AGO4: variants seen among roughly 807,000 people sequenced by gnomAD.
The protein encoded by AGO4 is argonaute RISC component 4.
A neutral mutation model predicts 104.7 loss-of-function variants in AGO4; 33 were observed. The observed-to-expected ratio is 0.32, with a 90% CI of 0.24 to 0.42. AGO4 has a LOEUF of 0.42. Ranked by LOEUF, AGO4 falls within the 10% of genes least tolerant of loss-of-function variation. The probability of loss-of-function intolerance (pLI) is 1.00; values close to 1 mark genes in which losing one functional copy is unlikely to be tolerated. For synonymous variants in AGO4, 331 were observed against 364.7 expected, an observed-to-expected ratio of 0.91 and a Z score of 1.05; for missense variants, 711 against 1,083.4, an observed-to-expected ratio of 0.66 and a Z score of 4.83.
chr1:35,827,433 A>T (rs541720154), intron 7 of AGO4, among the ~76,000 whole-genome samples: 1 of 152,162 alleles, frequency 6.6e-6, no homozygotes, highest in South Asian at 2.1e-4. Context: ...AGGCAGGAGA[A>T]TCGCTTGAAC....
intron 12 of AGO4, among the ~76,000 whole-genome samples, chr1:35,835,449 C>T (rs1233257326): frequency 6.6e-6 from 1 of 152,104 alleles, no homozygotes; most frequent in Non-Finnish European, 1.5e-5. Context: ...CAAAACAAAA[C>T]AAAATAAAAT....
intron 1 of AGO4, among the ~76,000 whole-genome samples, chr1:35,810,220 T>A (rs1047421771): frequency 2.0e-5 from 3 of 152,222 alleles, no homozygotes; most frequent in African/African-American, 7.2e-5. Context: ...AAACTCCTTT[T>A]TTGGTGTTGC....
At chr1:35,848,267 G>A (rs967542188) in intron 15 of AGO4, among the ~76,000 whole-genome samples, 26 of 152,244 alleles carry the variant, frequency 1.7e-4, no homozygotes, top group African/African-American at 6.0e-4. Flanking sequence ...TCATAATGTG[G>A]ATGAGCCACA....
rs544363445 is a variant in AGO4, at chr1:35,810,961, G to A, written c.19+2526G>A. 3.2e-3 allele frequency among the ~76,000 whole-genome samples: 487 copies of A among 150,922 alleles called. 4 individuals carry two copies. The highest frequency in any genetic ancestry group is 0.011 in the African/African-American group (465 of 41,042). On this transcript the variant is annotated intron_variant, in intron 1 of 17. Transcript: ENST00000373210. ...AGCCTGGCCAGCATGGTGAAACTCC[G>A]TCTCTACTAAAAATATAAAAATTAG... is the stretch of plus-strand genomic sequence containing the variant.
intron 1 of AGO4, among the ~76,000 whole-genome samples, chr1:35,813,721 C>T (rs138952236): frequency 1.3e-5 from 2 of 151,560 alleles, no homozygotes; most frequent in East Asian, 3.9e-4. Flanking sequence ...TGCACTCCAG[C>T]CTGGGCAACA....
At chr1:35,835,737 G>A (rs1644299165) in intron 12 of AGO4, 97 bp from the exon 13 acceptor site, 13 of 1,045,052 alleles carry the variant, frequency 1.2e-5, no homozygotes, top group Non-Finnish European at 1.8e-5. Flanking sequence ...ACAGTATATA[G>A]TAGGTTATAA....
chr1:35,841,842 C>G lies in AGO4; in HGVS notation c.2175+92C>G. ...TATATATATATATATATATATACACCATTTTTATACAATTTTTTTCTTAAA... is the reference window on the plus strand; with the variant it reads ...TATATATATATATATATATATACACGATTTTTATACAATTTTTTTCTTAAA... On this transcript the variant is annotated intron_variant, in intron 15 of 17. Transcript: ENST00000373210. This position sits in a 1 kb window ranked among gnomAD's most constrained non-coding sequence, Gnocchi z 4.7. 1.2e-6 allele frequency: 1 copy of G among 834,268 alleles called. No individual in the cohort carries two copies. Among genetic ancestry groups the G allele is most frequent in the Non-Finnish European group, 1.5e-6 (1 of 646,866 alleles). The allele number at this position is 834,268 out of a possible 1,614,324, so 51.7% of individuals were successfully genotyped here. A position where few individuals can be genotyped will look rare whatever the true frequency, so the allele number is the denominator to read the frequency against.
At chr1:35,846,264 C>A (rs1010435737) in intron 15 of AGO4, among the ~76,000 whole-genome samples, 3 of 152,084 alleles carry the variant, frequency 2.0e-5, no homozygotes, top group Non-Finnish European at 2.9e-5. Context: ...TCTTTAAATT[C>A]TTTGCCCCAT....
chr1:35,828,290 G>A (rs142655022), intron 7 of AGO4, among the ~76,000 whole-genome samples: 6,844 of 152,234 alleles, frequency 0.045, 220 homozygotes, highest in South Asian at 0.067. Flanking sequence ...GAGTATCTGG[G>A]ACTACAGGCA....
At chr1:35,836,688 C>T (rs915820293) in intron 13 of AGO4, among the ~76,000 whole-genome samples, 11 of 152,298 alleles carry the variant, frequency 7.2e-5, no homozygotes, top group African/African-American at 2.4e-4. Context: ...GGATTACAGG[C>T]GTGAGCCACT....
chr1:35,835,786 A>G, intron 12 of AGO4, 48 bp from the exon 13 acceptor site: 1 of 1,493,212 alleles, frequency 6.7e-7, no homozygotes, highest in South Asian at 1.3e-5. Flanking sequence ...GCTTTTAGTA[A>G]TTAGGAGACC....
At chr1:35,835,680 G>A (rs957660713) in intron 12 of AGO4, among the ~76,000 whole-genome samples, 154 bp from the exon 13 acceptor site, 3 of 152,176 alleles carry the variant, frequency 2.0e-5, no homozygotes, top group East Asian at 1.9e-4. Context: ...TGCCCTGGGG[G>A]TTTAGCAGAT....
intron 13 of AGO4, among the ~76,000 whole-genome samples, chr1:35,836,997 A>G (rs141786352): frequency 6.6e-6 from 1 of 152,296 alleles, no homozygotes; most frequent in Admixed American, 6.5e-5. Context: ...ATCTCATTAT[A>G]GTTTTAATTT....
intron 3 of AGO4, among the ~76,000 whole-genome samples, chr1:35,823,401 T>C (rs557504257): frequency 9.2e-5 from 14 of 151,518 alleles, no homozygotes; most frequent in African/African-American, 2.9e-4. Flanking sequence ...TACAGGCATG[T>C]GCCACCACAC....
At chr1:35,837,864 C>T (rs1202781105) in intron 13 of AGO4, among the ~76,000 whole-genome samples, 1 of 151,934 alleles carries the variant, frequency 6.6e-6, no homozygotes, top group Non-Finnish European at 1.5e-5. Context: ...TGCCTTTTCA[C>T]TCTCCTAAAT....
chr1:35,824,270 G>T (rs1643958187), intron 3 of AGO4, among the ~76,000 whole-genome samples: 1 of 151,776 alleles, frequency 6.6e-6, no homozygotes, highest in African/African-American at 2.4e-5. Context: ...CCTTTCCAAA[G>T]GAAACTACTA....
chr1:35,840,578 C>T (rs1333657620), intron 13 of AGO4, among the ~76,000 whole-genome samples: 1 of 151,996 alleles, frequency 6.6e-6, no homozygotes, highest in Non-Finnish European at 1.5e-5. Flanking sequence ...GGATTACAGG[C>T]GTGAGCCACC....
In AGO4 at chr1:35,853,691, C is replaced by T. The variant is rs564842095; in HGVS notation, c.*86C>T. The T allele has an allele frequency of 8.9e-6, 10 of 1,128,520 alleles. 1 individual carries two copies. The highest frequency in any genetic ancestry group is 2.5e-5 in the East Asian group (1 of 40,176). 69.9% of individuals were successfully genotyped at this position (1,128,520 alleles called of 1,614,324 possible). A position where few individuals can be genotyped will look rare whatever the true frequency, so the allele number is the denominator to read the frequency against. On this transcript the variant is annotated 3_prime_UTR_variant, in exon 18 of 18. Transcript: ENST00000373210. ...TGCCTACCGCCTCTAGATCGAGCCA[C>T]GTTGACTTCAGGTGGTCTTCTACCA...
chr1:35,852,215 G>A (rs1286337530), intron 17 of AGO4, among the ~76,000 whole-genome samples: 1 of 152,154 alleles, frequency 6.6e-6, no homozygotes, highest in African/African-American at 2.4e-5. Context: ...GTAAAATGCT[G>A]TTCCTAGGAT....
Sources: gnomAD v4.1 joint callset for allele counts (sites outside exome capture counted in the v4.1 genomes callset) on GRCh38, gnomAD v4.1.1 for gene constraint, Gnocchi (gnomAD v3.1) non-coding constraint, MANE v1.5 for transcripts, NCBI Gene and HGNC (gene_info 2026-07-23, HGNC 2026-07-21) for gene names.